Variants in DCBLD2 observed in about 807,000 individuals in gnomAD.
DCBLD2 encodes the protein discoidin, CUB and LCCL domain-containing protein 2.
In DCBLD2, 54 loss-of-function variants were observed where a neutral mutation model predicts 86.8. The ratio of observed to expected loss-of-function variants is 0.62; its 90% CI spans 0.50 to 0.78. DCBLD2 has a LOEUF of 0.78. Ranked by LOEUF, DCBLD2 falls within the 30% of genes least tolerant of loss-of-function variation. The pLI, the probability that DCBLD2 is intolerant of heterozygous loss-of-function variation, is 0.00. For missense variants in DCBLD2, 908 were observed against 954.2 expected (o/e 0.95, Z 0.64); for synonymous variants, 354 against 341.3 (o/e 1.04, Z -0.41).
intron 2 of DCBLD2, among the ~76,000 whole-genome samples, chr3:98,854,750 C>T (rs546170899): frequency 6.6e-6 from 1 of 152,272 alleles, no homozygotes; most frequent in African/African-American, 2.4e-5. Flanking sequence ...TCTTCTTAAG[C>T]AGCAGATCTG....
chr3:98,808,229 A>C, intron 12 of DCBLD2, 55 bp from the exon 13 acceptor site: 1 of 1,424,688 alleles, frequency 7.0e-7, no homozygotes, highest in Non-Finnish European at 9.5e-7. Flanking sequence ...CACCAAAGGC[A>C]GAAATCACTA....
At chr3:98,858,270 C>T (rs1042686037) in intron 2 of DCBLD2, among the ~76,000 whole-genome samples, 11 of 152,246 alleles carry the variant, frequency 7.2e-5, no homozygotes, top group African/African-American at 7.2e-5. Flanking sequence ...GGCCCGCAAG[C>T]GCCGTGTGCA....
intron 3 of DCBLD2, among the ~76,000 whole-genome samples, chr3:98,842,425 T>A (rs953959831): frequency 6.6e-6 from 1 of 152,214 alleles, no homozygotes; most frequent in Non-Finnish European, 1.5e-5. Flanking sequence ...GCATCTGCAA[T>A]TCTGTTAAGA....
At chr3:98,831,422 G>T (rs1244858920) in intron 3 of DCBLD2, among the ~76,000 whole-genome samples, 1 of 152,066 alleles carries the variant, frequency 6.6e-6, no homozygotes, top group Non-Finnish European at 1.5e-5. Context: ...TCCTTGATTT[G>T]TTGACCTTTT....
chr3:98,867,486 C>T (rs1296750913), intron 2 of DCBLD2, among the ~76,000 whole-genome samples: 1 of 152,066 alleles, frequency 6.6e-6, no homozygotes, highest in Non-Finnish European at 1.5e-5. Context: ...CTTAAAAAAT[C>T]ATTAAATAAG....
At chr3:98,812,222 A>G in intron 10 of DCBLD2, 110 bp downstream of exon 10, 1 of 1,401,782 alleles carries the variant, frequency 7.1e-7, no homozygotes, top group Non-Finnish European at 9.7e-7. Flanking sequence ...TTGTAATTAG[A>G]GTTTAACCAG....
intron 2 of DCBLD2, among the ~76,000 whole-genome samples, chr3:98,863,039 C>T (rs1943074733): frequency 2.0e-5 from 3 of 152,168 alleles, no homozygotes; most frequent in Non-Finnish European, 4.4e-5. Flanking sequence ...GATACAAAAT[C>T]AATGTACAAA....
Position 98,796,820 on chromosome 3 carries a change from A to T in DCBLD2, c.*2552T>A, listed in dbSNP as rs192070763. On this transcript the variant is annotated 3_prime_UTR_variant, in exon 16 of 16. Transcript: ENST00000326840. ...AGCCAAGTCAGTGTAATTTTATGAA[A>T]CCTGTAATGGCCACATTTGTTGTGT... 1.7e-3 allele frequency: 259 copies of T among 152,714 alleles called. No homozygotes were observed. Among genetic ancestry groups the T allele is most frequent in the African/African-American group, 5.6e-3 (232 of 41,556 alleles). The allele number at this position is 152,714 out of a possible 1,614,324, so 9.5% of individuals were successfully genotyped here.
chr3:98,822,566 G>T, intron 5 of DCBLD2, 103 bp downstream of exon 5: 1 of 1,304,080 alleles, frequency 7.7e-7, no homozygotes, highest in South Asian at 1.6e-5. Flanking sequence ...GTCTTAAAAA[G>T]GCAAAAGATA....
chr3:98,875,600 T>G, intron 2 of DCBLD2, among the ~76,000 whole-genome samples: 1 of 152,112 alleles, frequency 6.6e-6, no homozygotes, highest in East Asian at 1.9e-4. Context: ...AGGAAAACAC[T>G]AAAAATGAAC....
At chr3:98,844,761 G>C (rs929303680) in intron 3 of DCBLD2, among the ~76,000 whole-genome samples, 1 of 152,124 alleles carries the variant, frequency 6.6e-6, no homozygotes, top group Admixed American at 6.5e-5. Context: ...CAGTAACTCA[G>C]GAGTTTCTAT....
chr3:98,818,905 T>G (rs962261609), intron 8 of DCBLD2, among the ~76,000 whole-genome samples: 1 of 152,186 alleles, frequency 6.6e-6, no homozygotes, highest in African/African-American at 2.4e-5. Flanking sequence ...GATGGCCTAC[T>G]GTGGGACTTC....
At chr3:98,828,191 CAAATA>C (rs1942257761) in intron 3 of DCBLD2, among the ~76,000 whole-genome samples, 1 of 151,962 alleles carries the variant, frequency 6.6e-6, no homozygotes, top group South Asian at 2.1e-4. Context: ...CACAAGAAAA[CAAATA>C]AAAATAAATG....
chr3:98,882,369 C>T lies in DCBLD2; in HGVS notation c.206-602G>A, dbSNP rs953461473. ...AATATAGAAATGTGGTCAGCTTCAT[C>T]TATTTACAAATCATGAACCAAAATA... On this transcript the variant is annotated intron_variant, in intron 1 of 15. Coordinates refer to ENST00000326840, the MANE Select transcript of DCBLD2 (RefSeq NM_080927.4). 5.3e-5 allele frequency among the ~76,000 whole-genome samples: 8 copies of T among 152,094 alleles called. No individual in the cohort carries two copies. The South Asian group carries it at 8.3e-4, about 16-fold the overall frequency.
intron 3 of DCBLD2, among the ~76,000 whole-genome samples, chr3:98,839,018 A>G (rs541667395): frequency 1.7e-5 from 2 of 115,206 alleles, no homozygotes; most frequent in African/African-American, 6.4e-5. Flanking sequence ...CATGAGAGGG[A>G]GACCGTCGGG....
At chr3:98,823,728 C>G (rs1942164061) in intron 4 of DCBLD2, among the ~76,000 whole-genome samples, 1 of 152,048 alleles carries the variant, frequency 6.6e-6, no homozygotes, top group African/African-American at 2.4e-5. Context: ...CAGGTAGCAC[C>G]CTAAGTGCTT....
At chr3:98,814,597 A>G (rs1941990050) in intron 9 of DCBLD2, 1 of 152,180 alleles carries the variant, frequency 6.6e-6, no homozygotes, top group Non-Finnish European at 1.5e-5. Flanking sequence ...TATTATGAAA[A>G]CAAATTGTAT....
intron 3 of DCBLD2, among the ~76,000 whole-genome samples, chr3:98,839,310 T>C (rs1454091982): frequency 6.6e-6 from 1 of 151,946 alleles, no homozygotes; most frequent in Non-Finnish European, 1.5e-5. Flanking sequence ...AGTCGAGTTG[T>C]TTTCTTGATG....
At chr3:98,821,781 G>T (rs1942121891) in intron 6 of DCBLD2, among the ~76,000 whole-genome samples, 1 of 151,958 alleles carries the variant, frequency 6.6e-6, no homozygotes, top group Non-Finnish European at 1.5e-5. Context: ...GGCACGGTGG[G>T]TCACGCCTGT....
Sources: allele counts gnomAD v4.1 joint callset (sites outside exome capture counted in the v4.1 genomes callset), GRCh38; gene constraint gnomAD v4.1.1; transcripts MANE v1.5; gene names NCBI Gene and HGNC (gene_info 2026-07-23, HGNC 2026-07-21).